Variants in RIMS1 observed in about 807,000 individuals in gnomAD.
RIMS1 encodes regulating synaptic membrane exocytosis protein 1.
Under a neutral mutation model 214.1 loss-of-function variants are expected in RIMS1, and 83 were observed. That is an observed-to-expected ratio of 0.39 (90% CI 0.32 to 0.47). RIMS1 has a LOEUF of 0.47. Among genes scored for constraint, RIMS1 ranks in the 20% least tolerant of loss-of-function variants. RIMS1 has a pLI of 0.99. For synonymous variants in RIMS1, 793 were observed against 786.8 expected, an observed-to-expected ratio of 1.01 and a Z score of -0.13; for missense variants, 2,050 against 2,161.8, an observed-to-expected ratio of 0.95 and a Z score of 1.03.
chr6:72,271,286 A>AAAAAAATATATATATAT (rs1417580438), intron 22 of RIMS1, among the ~76,000 whole-genome samples: 1 of 44,424 alleles, frequency 2.3e-5, no homozygotes, highest in African/African-American at 1.1e-4. Flanking sequence ...AAAAAAAAAA[A>AAAAAAATATATATATAT]ATATATATAT....
At chr6:72,119,572 C>A (rs1021821023) in intron 4 of RIMS1, among the ~76,000 whole-genome samples, 10 of 151,774 alleles carry the variant, frequency 6.6e-5, no homozygotes, top group Non-Finnish European at 8.8e-5. Flanking sequence ...GCTATAGTTA[C>A]TAAAACAGCA....
intron 29 of RIMS1, among the ~76,000 whole-genome samples, chr6:72,380,166 A>C (rs554163542): frequency 6.6e-6 from 1 of 152,202 alleles, no homozygotes; most frequent in African/African-American, 2.4e-5. Context: ...CAAACACCGC[A>C]TGTTCTCACT....
At chr6:72,007,996 A>C (rs1341310460) in intron 2 of RIMS1, among the ~76,000 whole-genome samples, 1 of 152,192 alleles carries the variant, frequency 6.6e-6, no homozygotes, top group Non-Finnish European at 1.5e-5. Context: ...CTGTTCGAGA[A>C]GAGCAACTCC....
chr6:72,330,777 A>C lies in RIMS1; in HGVS notation c.4131-2823A>C, dbSNP rs551934368. ...AAAGCATATTTGTGCTGTAATCTTCAGATTGATTAGATTAATCTGACTGAT... is the reference window on the plus strand; with the variant it reads ...AAAGCATATTTGTGCTGTAATCTTCCGATTGATTAGATTAATCTGACTGAT... On this transcript the variant is annotated intron_variant, in intron 28 of 33. Coordinates refer to ENST00000521978, the MANE Select transcript of RIMS1 (RefSeq NM_014989.7). 1.4e-4 allele frequency among the ~76,000 whole-genome samples: 22 copies of C among 151,934 alleles called. No individual in the cohort carries two copies. The East Asian group carries it at 4.1e-3, about 28-fold the overall frequency.
intron 1 of RIMS1, among the ~76,000 whole-genome samples, chr6:71,902,891 C>T (rs948780904): frequency 5.3e-5 from 8 of 152,056 alleles, no homozygotes; most frequent in East Asian, 1.9e-4. Flanking sequence ...TATTCTGTGG[C>T]GTATATGTTT....
At chr6:72,324,443 A>G (rs571982072) in intron 28 of RIMS1, among the ~76,000 whole-genome samples, 1 of 152,054 alleles carries the variant, frequency 6.6e-6, no homozygotes, top group Non-Finnish European at 1.5e-5. Flanking sequence ...CACAACTCAG[A>G]TGCTAATAGT....
intron 6 of RIMS1, among the ~76,000 whole-genome samples, chr6:72,198,591 G>C (rs1355619496): frequency 7.6e-4 from 116 of 152,066 alleles, no homozygotes; most frequent in African/African-American, 2.6e-3. Context: ...ATGTTTGATA[G>C]TAGAGTAAGT....
chr6:72,398,234 C>G lies in RIMS1; in HGVS notation c.4619-15C>G. The G allele has an allele frequency of 6.5e-7, 1 of 1,534,632 alleles. No individual in the cohort carries two copies. The highest frequency in any genetic ancestry group is 9.0e-7 in the Non-Finnish European group (1 of 1,115,488). On this transcript the variant is annotated splice_polypyrimidine_tract_variant and intron_variant, in intron 31 of 33. Coordinates refer to ENST00000521978, the MANE Select transcript of RIMS1 (RefSeq NM_014989.7). ...CAAAGAAGCTGAAACACATCTTGCT[C>G]CTTTCCATTTGCAGGTGATATACAA...
chr6:71,970,315 A>G (rs985513848), intron 2 of RIMS1, among the ~76,000 whole-genome samples: 1 of 152,132 alleles, frequency 6.6e-6, no homozygotes, highest in Non-Finnish European at 1.5e-5. Flanking sequence ...TTTTTGTATG[A>G]TGGAACTTTT....
At chr6:72,284,983 C>T (rs751070556) in intron 24 of RIMS1, among the ~76,000 whole-genome samples, 4 of 151,966 alleles carry the variant, frequency 2.6e-5, no homozygotes, top group Non-Finnish European at 4.4e-5. Context: ...GAGGGGACAA[C>T]GTGAGAAAAC....
chr6:71,889,782 A>G (rs923619475), intron 1 of RIMS1, among the ~76,000 whole-genome samples: 6 of 152,258 alleles, frequency 3.9e-5, no homozygotes, highest in African/African-American at 1.4e-4. Context: ...GTGTTAAAAT[A>G]GATTGGAAAA....
intron 29 of RIMS1, among the ~76,000 whole-genome samples, chr6:72,386,121 A>G (rs1038523893): frequency 9.2e-5 from 14 of 152,342 alleles, no homozygotes; most frequent in African/African-American, 3.4e-4. Context: ...GGAAGCTATT[A>G]AAGTTTAAAA....
chr6:71,984,205 G>C (rs1181994254), intron 2 of RIMS1, among the ~76,000 whole-genome samples: 1 of 152,034 alleles, frequency 6.6e-6, no homozygotes, highest in Non-Finnish European at 1.5e-5. Context: ...AATGCAAAAA[G>C]GCTTAAAAAA....
At chr6:72,324,805 G>T (rs182177160) in intron 28 of RIMS1, among the ~76,000 whole-genome samples, 1 of 151,470 alleles carries the variant, frequency 6.6e-6, no homozygotes, top group Non-Finnish European at 1.5e-5. Flanking sequence ...CTAATATATC[G>T]TCTATGGCTG....
chr6:72,332,127 A>G (rs2154339761), intron 28 of RIMS1, among the ~76,000 whole-genome samples: 1 of 151,976 alleles, frequency 6.6e-6, no homozygotes, highest in South Asian at 2.1e-4. Context: ...TAATCATATT[A>G]GGATTTTTTC....
intron 29 of RIMS1, among the ~76,000 whole-genome samples, chr6:72,381,111 T>C (rs2098479417): frequency 6.6e-6 from 1 of 152,212 alleles, no homozygotes. Context: ...ATGATCGATG[T>C]GTCAGCAGGT....
chr6:72,330,682 T>A (rs1310656701), intron 28 of RIMS1, among the ~76,000 whole-genome samples: 1 of 151,686 alleles, frequency 6.6e-6, no homozygotes, highest in East Asian at 1.9e-4. Flanking sequence ...TTCAGATATG[T>A]ATAAGCGATA....
At chr6:72,257,368 T>G (rs966154123) in intron 16 of RIMS1, among the ~76,000 whole-genome samples, 2 of 152,108 alleles carry the variant, frequency 1.3e-5, no homozygotes, top group Non-Finnish European at 2.9e-5. Flanking sequence ...AGGGAAAAAG[T>G]GACTGTTATA....
chr6:72,196,580 C>CTTTTTCTTTTTTTTTTTT (rs2050979728), intron 6 of RIMS1, among the ~76,000 whole-genome samples: 1 of 57,214 alleles, frequency 1.7e-5, no homozygotes, highest in Non-Finnish European at 3.1e-5. Flanking sequence ...GCCAGCTGCA[C>CTTTTTCTTTTTTTTTTTT]TTTTTTTTTT....
Sources: gnomAD v4.1 joint callset for allele counts (sites outside exome capture counted in the v4.1 genomes callset) on GRCh38, gnomAD v4.1.1 for gene constraint, MANE v1.5 for transcripts, NCBI Gene and HGNC (gene_info 2026-07-23, HGNC 2026-07-21) for gene names.